The following PLCL1 variants were observed in gnomAD, a reference collection of about 807,000 sequenced individuals.
PLCL1 encodes phospholipase C like 1 (inactive).
Under a neutral mutation model 84.4 loss-of-function variants are expected in PLCL1, and 41 were observed. The observed-to-expected ratio is 0.49, with a 90% CI of 0.38 to 0.63. PLCL1 has a LOEUF of 0.63. Ranked by LOEUF, PLCL1 falls within the 30% of genes least tolerant of loss-of-function variation. The pLI, the probability that PLCL1 is intolerant of heterozygous loss-of-function variation, is 0.00. For synonymous variants in PLCL1, 490 were observed against 488.3 expected (o/e 1.00, Z -0.05); for missense variants, 1,206 against 1,367.8 (o/e 0.88, Z 1.87).
intron 1 of PLCL1, among the ~76,000 whole-genome samples, chr2:197,839,436 C>T (rs1223770459): frequency 2.6e-5 from 4 of 152,212 alleles, no homozygotes; most frequent in Non-Finnish European, 4.4e-5. Flanking sequence ...GGGCATGCAA[C>T]CTAGGTCCCT....
At chr2:197,859,276 G>A (rs1367028894) in intron 1 of PLCL1, among the ~76,000 whole-genome samples, 1 of 152,088 alleles carries the variant, frequency 6.6e-6, no homozygotes, top group Non-Finnish European at 1.5e-5. Context: ...AACACGAATT[G>A]AAGAGAAGCT....
At chr2:198,092,728 C>T (rs554592623) in intron 3 of PLCL1, among the ~76,000 whole-genome samples, 1 of 152,276 alleles carries the variant, frequency 6.6e-6, no homozygotes, top group African/African-American at 2.4e-5. Flanking sequence ...TGTTTTATTT[C>T]CATCTTCCTG....
At chr2:198,109,306 C>G (rs1017891746) in intron 5 of PLCL1, among the ~76,000 whole-genome samples, 3 of 151,750 alleles carry the variant, frequency 2.0e-5, no homozygotes, top group African/African-American at 7.3e-5. Context: ...GGTAAAAGGG[C>G]CTAGCTAGTT....
chr2:198,135,937 G>A (rs1694245973), intron 5 of PLCL1, among the ~76,000 whole-genome samples: 1 of 152,168 alleles, frequency 6.6e-6, no homozygotes, highest in African/African-American at 2.4e-5. Flanking sequence ...TTATGAGTAA[G>A]AAAATAAGCT....
At chr2:197,962,349 T>A (rs1345945212) in intron 1 of PLCL1, among the ~76,000 whole-genome samples, 1 of 152,136 alleles carries the variant, frequency 6.6e-6, no homozygotes, top group Non-Finnish European at 1.5e-5. Flanking sequence ...TTATCCTTAG[T>A]GACTTCAAAA....
intron 1 of PLCL1, among the ~76,000 whole-genome samples, chr2:198,029,011 A>G (rs1193529170): frequency 6.6e-6 from 1 of 152,248 alleles, no homozygotes; most frequent in East Asian, 1.9e-4. Flanking sequence ...CAAATTCATG[A>G]GTGACATTTC....
At chr2:197,844,718 G>A (rs994884367) in intron 1 of PLCL1, among the ~76,000 whole-genome samples, 1 of 151,884 alleles carries the variant, frequency 6.6e-6, no homozygotes, top group Non-Finnish European at 1.5e-5. Flanking sequence ...AATCAATATT[G>A]TAGGCCTTTG....
intron 1 of PLCL1, among the ~76,000 whole-genome samples, chr2:197,973,343 G>C (rs1689907164): frequency 1.3e-5 from 2 of 152,176 alleles, no homozygotes; most frequent in Admixed American, 1.3e-4. Context: ...AATTCTAGGA[G>C]ATCTGACTGT....
At chr2:197,813,399 C>T (rs1315344665) in intron 1 of PLCL1, among the ~76,000 whole-genome samples, 1 of 152,036 alleles carries the variant, frequency 6.6e-6, no homozygotes, top group East Asian at 1.9e-4. Context: ...CTCATGCTCC[C>T]CCTAGAGGCG....
chr2:197,875,137 C>T (rs1459317228), intron 1 of PLCL1, among the ~76,000 whole-genome samples: 2 of 151,846 alleles, frequency 1.3e-5, no homozygotes, highest in Non-Finnish European at 2.9e-5. Flanking sequence ...AATACAAAAA[C>T]TAGCTGGGTG....
At chr2:197,896,692 G>C (rs1688141976) in intron 1 of PLCL1, among the ~76,000 whole-genome samples, 1 of 152,018 alleles carries the variant, frequency 6.6e-6, no homozygotes. Flanking sequence ...TAAGCCACCA[G>C]TTTTGCTGCT....
chr2:197,904,037 A>G (rs1352561706), intron 1 of PLCL1, among the ~76,000 whole-genome samples: 2 of 144,130 alleles, frequency 1.4e-5, no homozygotes, highest in East Asian at 4.2e-4. Flanking sequence ...TCCTGGCCTT[A>G]GGCGATCTGC....
At chr2:198,073,451 G>A (rs916744760) in intron 1 of PLCL1, among the ~76,000 whole-genome samples, 28 of 152,136 alleles carry the variant, frequency 1.8e-4, no homozygotes, top group Non-Finnish European at 3.4e-4. Context: ...AACCCATTCC[G>A]GAAGTTATGG....
At chr2:198,037,026 G>A (rs992832742) in intron 1 of PLCL1, among the ~76,000 whole-genome samples, 2 of 152,128 alleles carry the variant, frequency 1.3e-5, no homozygotes, top group Non-Finnish European at 2.9e-5. Context: ...TTTGTCTCTG[G>A]GGGAGAGGCT....
chr2:197,852,594 C>T (rs866256326), intron 1 of PLCL1, among the ~76,000 whole-genome samples: 2 of 151,952 alleles, frequency 1.3e-5, no homozygotes, highest in Admixed American at 6.6e-5. Flanking sequence ...ATTTTTATAC[C>T]GATGGATTTT....
intron 5 of PLCL1, among the ~76,000 whole-genome samples, chr2:198,133,289 C>T (rs1209081156): frequency 1.3e-5 from 2 of 148,620 alleles, no homozygotes; most frequent in Non-Finnish European, 3.0e-5. Context: ...AAAAACCAAA[C>T]ACCGCATATT....
intron 1 of PLCL1, among the ~76,000 whole-genome samples, chr2:197,856,948 A>G (rs1687340581): frequency 6.6e-6 from 1 of 152,156 alleles, no homozygotes; most frequent in South Asian, 2.1e-4. Flanking sequence ...TTGTATATTT[A>G]GAATTCCTGT....
At chr2:198,072,586 T>C (rs545803014) in intron 1 of PLCL1, among the ~76,000 whole-genome samples, 2 of 152,192 alleles carry the variant, frequency 1.3e-5, no homozygotes, top group East Asian at 1.9e-4. Flanking sequence ...CGTCTAAATC[T>C]TCAGCAGTTG....
At chr2:197,994,399 C>T (rs1690414368) in intron 1 of PLCL1, among the ~76,000 whole-genome samples, 1 of 152,084 alleles carries the variant, frequency 6.6e-6, no homozygotes, top group East Asian at 1.9e-4. Context: ...ATATGCAGTC[C>T]ATATCCCTAA....
Sources: gnomAD v4.1 joint callset for allele counts (sites outside exome capture counted in the v4.1 genomes callset) on GRCh38, gnomAD v4.1.1 for gene constraint, MANE v1.5 for transcripts, NCBI Gene and HGNC (gene_info 2026-07-23, HGNC 2026-07-21) for gene names.